NF1: variants seen among roughly 807,000 people sequenced by gnomAD.
The protein encoded by NF1 is neurofibromin.
NF1 carries 122 observed loss-of-function variants against 325.7 expected under a neutral mutation model. That is an observed-to-expected ratio of 0.37 (90% confidence interval 0.32 to 0.44). The LOEUF (loss-of-function observed/expected upper bound fraction) is 0.44. NF1 is among the 20% of genes least tolerant of loss of function. The pLI is 1.00. For missense variants in NF1, 2,140 were observed against 3,415.4 expected (o/e 0.63, Z 9.31); for synonymous variants, 1,091 against 1,186.0 (o/e 0.92, Z 1.65).
intron 57 of NF1, among the ~76,000 whole-genome samples, chr17:31,373,153 T>C (rs774327675): frequency 1.3e-5 from 2 of 152,224 alleles, no homozygotes; most frequent in Non-Finnish European, 2.9e-5. Context: ...GATTCTACAG[T>C]ATGACCTTTG....
At chr17:31,353,203 C>T (rs2070195749) in intron 51 of NF1, among the ~76,000 whole-genome samples, 1 of 152,146 alleles carries the variant, frequency 6.6e-6, no homozygotes, top group Admixed American at 6.5e-5. Flanking sequence ...GCCACCATGC[C>T]CGGCCGGAAG....
chr17:31,248,698 T>C lies in NF1; in HGVS notation c.3975-286T>C, dbSNP rs17881113. ...TACAGGCACCTGACTAATTTTTGTA[T>C]TTTTAGTAGAGATGGGGTTTCACCA... On this transcript the variant is annotated intron_variant, in intron 29 of 57. Coordinates refer to ENST00000358273, the MANE Select transcript of NF1 (RefSeq NM_001042492.3). Among the ~76,000 whole-genome samples the C allele has an allele frequency of 4.5e-3, 680 of 152,198 alleles. 7 individuals carry two copies. The highest frequency in any genetic ancestry group is 0.016 in the African/African-American group (649 of 41,526).
Position 31,108,262 on chromosome 17 carries a change from G to GTT in NF1, c.60+12920_60+12921dup, listed in dbSNP as rs56180844. ...AAAGTTTCCAACATAAAAGTAGAGA[G>GTT]TTTTTTTTTTTTTTTTTTTTTTTTT... On this transcript the variant is annotated intron_variant, in intron 1 of 57. Coordinates refer to ENST00000358273, the MANE Select transcript of NF1 (RefSeq NM_001042492.3). Among the ~76,000 whole-genome samples the GTT allele has an allele frequency of 1.3e-4, 11 of 82,520 alleles. 1 individual carries two copies. Among genetic ancestry groups the GTT allele is most frequent in the African/African-American group, 3.9e-4 (7 of 18,000 alleles). The allele number at this position is 82,520 out of a possible 152,430, so 54.1% of individuals were successfully genotyped here.
chr17:31,301,918 A>G (rs1257996100), intron 36 of NF1, among the ~76,000 whole-genome samples: 2 of 152,208 alleles, frequency 1.3e-5, no homozygotes, highest in African/African-American at 4.8e-5. Flanking sequence ...CATGAAATAA[A>G]CTTTCTCTTC....
intron 8 of NF1, among the ~76,000 whole-genome samples, chr17:31,198,102 G>A (rs1057494661): frequency 6.6e-6 from 1 of 152,080 alleles, no homozygotes; most frequent in African/African-American, 2.4e-5. Context: ...ATATTACATT[G>A]ATTTTTTCAT....
chr17:31,249,029 T>C lies in NF1; in HGVS notation c.4020T>C (p.Leu1340=), dbSNP rs863224354. Residue 1340 remains leucine (L), a synonymous_variant, in exon 30 of 58, where the codon CTT becomes CTC. Coordinates refer to ENST00000358273, the MANE Select transcript of NF1 (RefSeq NM_001042492.3). The part of the protein sequence containing the change: ...ESLEENQRNL[L]QMTEKFFHAI... Reference sequence around the variant, plus strand: ...TTGAGGAAAACCAGCGGAACCTCCTTCAGATGACTGAAAAGTTCTTCCATG... The same window carrying C: ...TTGAGGAAAACCAGCGGAACCTCCTCCAGATGACTGAAAAGTTCTTCCATG... 18 of 1,614,114 alleles carry C rather than the reference T, an allele frequency of 1.1e-5. No individual in the cohort carries two copies. Among genetic ancestry groups the C allele is most frequent in the Non-Finnish European group, 1.5e-5 (18 of 1,179,982 alleles).
chr17:31,332,968 A>G (rs1184014658), intron 39 of NF1, among the ~76,000 whole-genome samples: 2 of 152,130 alleles, frequency 1.3e-5, no homozygotes, highest in African/African-American at 2.4e-5. Context: ...AAAGCCAGGC[A>G]CCATGGCACA....
In NF1 at chr17:31,199,492, G is replaced by A. The variant is rs539667116; in HGVS notation, c.889-930G>A. Among the ~76,000 whole-genome samples, 11 of 152,196 alleles carry A rather than the reference G, an allele frequency of 7.2e-5. No individual in the cohort carries two copies. In the East Asian group the frequency reaches 2.1e-3, roughly 29 times the overall value. ...AGACTTATTTTGTAGCCTAACATAG[G>A]TCTGTTTTGGAGAATGTTCCATGTA... On this transcript the variant is annotated intron_variant, in intron 8 of 57. Coordinates refer to ENST00000358273, the MANE Select transcript of NF1 (RefSeq NM_001042492.3).
chr17:31,190,236 G>A (rs1331198942), intron 8 of NF1, among the ~76,000 whole-genome samples: 3 of 151,776 alleles, frequency 2.0e-5, no homozygotes, highest in Non-Finnish European at 4.4e-5. Context: ...CAGCCTGGGC[G>A]ACAGAGCGAG....
intron 29 of NF1, among the ~76,000 whole-genome samples, chr17:31,239,803 C>T (rs1227067035): frequency 6.6e-6 from 1 of 152,122 alleles, no homozygotes. Context: ...ACTCTTGTCG[C>T]CCAGGCTGGA....
chr17:31,155,041 T>A (rs2065634611), intron 1 of NF1, among the ~76,000 whole-genome samples: 1 of 152,178 alleles, frequency 6.6e-6, no homozygotes, highest in Non-Finnish European at 1.5e-5. Context: ...TTAGTATTTC[T>A]TTACTATCAA....
chr17:31,229,518 G>A, intron 21 of NF1, 53 bp downstream of exon 21: 1 of 1,564,094 alleles, frequency 6.4e-7, no homozygotes, highest in East Asian at 2.2e-5. Flanking sequence ...TGACTTGTTT[G>A]AAATAAGCCT....
chr17:31,201,529 CTTTCT>C (rs1001117292), intron 11 of NF1, 44 bp downstream of exon 11: 2 of 1,385,698 alleles, frequency 1.4e-6, no homozygotes, highest in Non-Finnish European at 2.0e-6. Context: ...AAATTTTTTT[CTTTCT>C]TTTCTTTGCG....
chr17:31,318,672 G>A (rs771597926), intron 36 of NF1: 1 of 1,614,030 alleles, frequency 6.2e-7, no homozygotes, highest in South Asian at 1.1e-5. Context: ...CATGACTTTT[G>A]CTTGTGTTTT....
intron 57 of NF1, among the ~76,000 whole-genome samples, chr17:31,365,862 A>C (rs553897969): frequency 0.019 from 2,889 of 152,292 alleles, 105 homozygotes; most frequent in African/African-American, 0.066. Context: ...TAATTATGGC[A>C]AAAGTTTTAT....
intron 1 of NF1, among the ~76,000 whole-genome samples, chr17:31,096,183 A>G (rs1261452307): frequency 8.1e-6 from 1 of 123,116 alleles, no homozygotes; most frequent in African/African-American, 3.1e-5. Flanking sequence ...TGCATTCTCG[A>G]GTGAGAATGT....
At chr17:31,180,267 A>G (rs751425170) in intron 5 of NF1, among the ~76,000 whole-genome samples, 12 of 152,246 alleles carry the variant, frequency 7.9e-5, no homozygotes, top group Non-Finnish European at 1.3e-4. Flanking sequence ...TGGTCATACC[A>G]AAACCTGGCA....
rs529348483 is a variant in NF1, at chr17:31,137,966, T to C, written c.61-18017T>C. ...GTCATCAATCTGTTTATTTTTTCTT[T>C]TCTAGAATCCTTGGAATTTTTTTTT... On this transcript the variant is annotated intron_variant, in intron 1 of 57. Transcript: ENST00000358273. 1.3e-4 allele frequency: 20 copies of C among 152,186 alleles called. No homozygotes were observed. In the East Asian group the frequency reaches 3.5e-3, roughly 26 times the overall value. 9.4% of individuals were successfully genotyped at this position (152,186 alleles called of 1,614,324 possible). A position where few individuals can be genotyped will look rare whatever the true frequency, so the allele number is the denominator to read the frequency against.
chr17:31,200,329 G>A (rs1220777695), intron 8 of NF1, 93 bp from the exon 9 acceptor site: 1 of 1,189,432 alleles, frequency 8.4e-7, no homozygotes, highest in African/African-American at 1.5e-5. Flanking sequence ...TATAGTATGA[G>A]TTTTAGAGGC....
Sources: gnomAD v4.1 joint callset for allele counts (sites outside exome capture counted in the v4.1 genomes callset) on GRCh38, gnomAD v4.1.1 for gene constraint, MANE v1.5 for transcripts, NCBI Gene and HGNC (gene_info 2026-07-23, HGNC 2026-07-21) for gene names.